Variants in DCDC1 observed in about 807,000 individuals in gnomAD.
DCDC1 encodes doublecortin domain containing 1, also known as doublecortin domain-containing protein 1.
In DCDC1, 200 loss-of-function variants were observed where a neutral mutation model predicts 178.3. That is an observed-to-expected ratio of 1.12 (90% CI 1.00 to 1.26). The LOEUF (loss-of-function observed/expected upper bound fraction) is 1.26, where lower values mean the gene tolerates loss of function less well. Among genes scored for constraint, DCDC1 ranks in the 50% most tolerant of loss-of-function variants. The pLI is 0.00. For missense variants in DCDC1, 1,983 were observed against 1,749.2 expected, an observed-to-expected ratio of 1.13 and a Z score of -2.38; for synonymous variants, 690 against 604.8, an observed-to-expected ratio of 1.14 and a Z score of -2.07.
At chr11:31,238,530 T>C (rs1310234702) in intron 9 of DCDC1, among the ~76,000 whole-genome samples, 4 of 152,044 alleles carry the variant, frequency 2.6e-5, no homozygotes, top group African/African-American at 9.7e-5. Context: ...CTGTGGCCTT[T>C]TCACACGTTC....
chr11:30,995,285 T>C (rs866033811), intron 20 of DCDC1, among the ~76,000 whole-genome samples: 93 of 152,264 alleles, frequency 6.1e-4, no homozygotes, highest in African/African-American at 2.2e-3. Flanking sequence ...ATACACCATA[T>C]TCATGAACTG....
At chr11:31,107,932 C>A (rs1958958978) in intron 12 of DCDC1, among the ~76,000 whole-genome samples, 2 of 152,102 alleles carry the variant, frequency 1.3e-5, no homozygotes, top group Non-Finnish European at 1.5e-5. Flanking sequence ...TCTTTTCTGG[C>A]CTAACTGCAG....
chr11:31,341,508 T>A (rs867643384), intron 1 of DCDC1, among the ~76,000 whole-genome samples: 1 of 152,090 alleles, frequency 6.6e-6, no homozygotes, highest in Non-Finnish European at 1.5e-5. Context: ...TGGGCAAATA[T>A]CATACAGTAT....
At chr11:30,924,815 G>A (rs1946493215) in intron 23 of DCDC1, among the ~76,000 whole-genome samples, 1 of 152,154 alleles carries the variant, frequency 6.6e-6, no homozygotes, top group Non-Finnish European at 1.5e-5. Context: ...GCCCACACCT[G>A]TAATCCCACC....
At chr11:31,361,569 C>T (rs946123259) in intron 1 of DCDC1, among the ~76,000 whole-genome samples, 4 of 152,246 alleles carry the variant, frequency 2.6e-5, no homozygotes, top group Non-Finnish European at 5.9e-5. Flanking sequence ...GCAACCTCTG[C>T]CTCCCAGGTT....
chr11:31,239,241 A>G lies in DCDC1; in HGVS notation c.1221+2209T>C, dbSNP rs545757305. 5.3e-5 allele frequency among the ~76,000 whole-genome samples: 8 copies of G among 152,154 alleles called. No individual in the cohort carries two copies. In the South Asian group the frequency reaches 6.2e-4, roughly 12 times the overall value. On this transcript the variant is annotated intron_variant, in intron 9 of 38. Coordinates refer to ENST00000684477, the MANE Select transcript of DCDC1 (RefSeq NM_001387274.1). ...TTAAAACAATCTTATATAAAACTAA[A>G]TAGAAAAGGCTATACCAAAGGTCAA...
At chr11:31,100,114 A>C (rs567644682) in intron 15 of DCDC1, among the ~76,000 whole-genome samples, 5 of 152,302 alleles carry the variant, frequency 3.3e-5, no homozygotes, top group Non-Finnish European at 7.3e-5. Flanking sequence ...GTGACAAAGA[A>C]AGGTGGAATT....
intron 9 of DCDC1, among the ~76,000 whole-genome samples, chr11:31,209,603 C>G (rs1206693816): frequency 2.0e-5 from 3 of 152,156 alleles, no homozygotes; most frequent in Non-Finnish European, 2.9e-5. Flanking sequence ...TGACATATCT[C>G]AGAGGGGCAG....
chr11:31,146,023 G>A (rs1964408983), intron 9 of DCDC1, among the ~76,000 whole-genome samples: 1 of 151,940 alleles, frequency 6.6e-6, no homozygotes, highest in Non-Finnish European at 1.5e-5. Flanking sequence ...GGATAATGGG[G>A]GCAAAATAAC....
chr11:30,952,418 A>C (rs774413222), intron 21 of DCDC1, 27 bp downstream of exon 21: 1 of 1,513,206 alleles, frequency 6.6e-7, no homozygotes, highest in South Asian at 1.3e-5. Context: ...AGTCTCAATG[A>C]CCATCTCTTA....
At chr11:31,254,819 A>G (rs533110097) in intron 8 of DCDC1, among the ~76,000 whole-genome samples, 11 of 152,284 alleles carry the variant, frequency 7.2e-5, no homozygotes, top group Middle Eastern at 3.4e-3. Flanking sequence ...CATAAAATCA[A>G]CCATTTTAAA....
At chr11:31,197,150 A>C (rs527885190) in intron 9 of DCDC1, among the ~76,000 whole-genome samples, 1 of 152,224 alleles carries the variant, frequency 6.6e-6, no homozygotes, top group East Asian at 1.9e-4. Flanking sequence ...AGTGATATGC[A>C]ATAAAGGAAA....
intron 9 of DCDC1, among the ~76,000 whole-genome samples, chr11:31,200,804 A>G (rs1971208925): frequency 6.6e-6 from 1 of 151,946 alleles, no homozygotes; most frequent in Admixed American, 6.6e-5. Flanking sequence ...ACTAACCTAT[A>G]TTGGTGAGGT....
rs1397493604 is a variant in DCDC1, at chr11:30,887,136, T to C, written c.5082+5682A>G. 2.6e-5 allele frequency among the ~76,000 whole-genome samples: 4 copies of C among 152,254 alleles called. No individual in the cohort carries two copies. In the South Asian group the frequency reaches 8.3e-4, roughly 32 times the overall value. Reference sequence around the variant, plus strand: ...ATTTTCTCTGTTGTAACTAATGAAATGCTGTCCCTTGAAGGAGATAATGAC... The same window carrying C: ...ATTTTCTCTGTTGTAACTAATGAAACGCTGTCCCTTGAAGGAGATAATGAC... On this transcript the variant is annotated intron_variant, in intron 36 of 38. Transcript: ENST00000684477.
chr11:30,963,092 T>A (rs1316258496), intron 20 of DCDC1, among the ~76,000 whole-genome samples: 1 of 152,120 alleles, frequency 6.6e-6, no homozygotes, highest in African/African-American at 2.4e-5. Flanking sequence ...AAAGTTTCCA[T>A]ATTTATTTAA....
chr11:31,030,538 A>T lies in DCDC1; in HGVS notation c.2591+33931T>A, dbSNP rs538687190. ...ATTGATGCAATAAGCCTGGGCCCCC[A>T]GCTGAGTTGCATTTGGAAATGCCAC... On this transcript the variant is annotated intron_variant, in intron 20 of 38. Coordinates refer to ENST00000684477, the MANE Select transcript of DCDC1 (RefSeq NM_001387274.1). 3.3e-5 allele frequency among the ~76,000 whole-genome samples: 5 copies of T among 152,270 alleles called. No homozygotes were observed. The East Asian group carries it at 9.6e-4, about 29-fold the overall frequency.
rs751721595 is a variant in DCDC1 at position 30,911,426 on chromosome 11, G to A, written c.3654-6C>T. 1 of 1,588,656 alleles carries A rather than the reference G, an allele frequency of 6.3e-7. No homozygotes were observed. Among genetic ancestry groups the A allele is most frequent in the South Asian group, 1.2e-5 (1 of 86,726 alleles). Reference sequence around the variant, plus strand: ...TACTCACAAGGTGAAAGGTCCTTGGGAAAACAGGATTAGCCACATTACAAA... The same window carrying A: ...TACTCACAAGGTGAAAGGTCCTTGGAAAAACAGGATTAGCCACATTACAAA... On this transcript the variant is annotated splice_region_variant and splice_polypyrimidine_tract_variant and intron_variant, in intron 27 of 38. Transcript: ENST00000684477.
At chr11:30,945,746 A>G (rs138957162) in intron 21 of DCDC1, among the ~76,000 whole-genome samples, 2,535 of 106,870 alleles carry the variant, frequency 0.024, 25 homozygotes, top group Non-Finnish European at 0.031. Context: ...CTATCTATCT[A>G]TCTGTCTGTC....
chr11:31,191,742 G>A lies in DCDC1; in HGVS notation c.1221+49708C>T, dbSNP rs548578555. 3.3e-5 allele frequency among the ~76,000 whole-genome samples: 5 copies of A among 152,076 alleles called. No individual in the cohort carries two copies. The South Asian group carries it at 1.0e-3, about 32-fold the overall frequency. Reference sequence around the variant, plus strand: ...GAAGTGAAAAGATAAAGAATGGAGAGGTTGTAGGCTTTGCTCCAGTCTAGT... The same window carrying A: ...GAAGTGAAAAGATAAAGAATGGAGAAGTTGTAGGCTTTGCTCCAGTCTAGT... On this transcript the variant is annotated intron_variant, in intron 9 of 38. Coordinates refer to ENST00000684477, the MANE Select transcript of DCDC1 (RefSeq NM_001387274.1).
Sources: gnomAD v4.1 joint callset for allele counts (sites outside exome capture counted in the v4.1 genomes callset) on GRCh38, gnomAD v4.1.1 for gene constraint, MANE v1.5 for transcripts, NCBI Gene and HGNC (gene_info 2026-07-23, HGNC 2026-07-21) for gene names.